LAMA2: variants seen among roughly 807,000 people sequenced by gnomAD.
LAMA2 encodes the protein laminin subunit alpha 2, also known as laminin subunit alpha-2.
A neutral mutation model predicts 364.8 loss-of-function variants in LAMA2; 269 were observed. That is an observed-to-expected ratio of 0.74 (90% CI 0.67 to 0.82). The LOEUF (loss-of-function observed/expected upper bound fraction) is 0.82, where lower values mean the gene tolerates loss of function less well. Ranked by LOEUF, LAMA2 falls within the 40% of genes least tolerant of loss-of-function variation. The probability of loss-of-function intolerance (pLI) is 0.00; values close to 1 mark genes in which losing one functional copy is unlikely to be tolerated. For missense variants in LAMA2, 3,807 were observed against 3,873.2 expected, an observed-to-expected ratio of 0.98 and a Z score of 0.45; for synonymous variants, 1,379 against 1,370.6, an observed-to-expected ratio of 1.01 and a Z score of -0.14.
Position 128,957,836 on chromosome 6 carries a change from A to ATTTT in LAMA2, c.112+74499_112+74502dup, listed in dbSNP as rs10652900. ...CTTCCCAGGCTGTACTACTTCATGC[A>ATTTT]TTTTTTTTTTTTTTTTTTTTTTTGC... On this transcript the variant is annotated intron_variant, in intron 1 of 64. Coordinates refer to ENST00000421865, the MANE Select transcript of LAMA2 (RefSeq NM_000426.4). Among the ~76,000 whole-genome samples the ATTTT allele has an allele frequency of 9.8e-3, 504 of 51,266 alleles. 38 individuals carry two copies. Among genetic ancestry groups the ATTTT allele is most frequent in the African/African-American group, 0.034 (432 of 12,702 alleles). The allele number at this position is 51,266 out of a possible 152,430, so 33.6% of individuals were successfully genotyped here. A position where few individuals can be genotyped will look rare whatever the true frequency, so the allele number is the denominator to read the frequency against.
rs779524640 is a variant in LAMA2, at chr6:129,464,352, G to T, written c.7055G>T (p.Ser2352Ile). 4.3e-6 allele frequency: 7 copies of T among 1,611,806 alleles called. No individual in the cohort carries two copies. In the African/African-American group the frequency reaches 9.4e-5, roughly 22 times the overall value. The change falls in exon 50 of 65, where the codon AGC becomes ATC. Residue 2352 changes from serine (S) to isoleucine (I), a missense_variant. Ser to Ile is a moderately radical substitution (Grantham distance 142). Transcript: ENST00000421865. ...QFDGEGYALV[S>I]RPIRWYPNIS... ...GATGGAGAAGGTTATGCATTGGTCA[G>T]CCGTCCCATTCGCTGGTACCCCAAC... is the stretch of plus-strand genomic sequence containing the variant.
In LAMA2 at chr6:129,165,627, G is replaced by T. The variant is rs1419583983; in HGVS notation, c.1258G>T (p.Gly420Cys). 6.2e-7 allele frequency: 1 copy of T among 1,613,234 alleles called. No homozygotes were observed. Among genetic ancestry groups the T allele is most frequent in the African/African-American group, 1.3e-5 (1 of 74,856 alleles). ...PCQPCHCDPI[G>C]SLNEVCVKDE... ...CCAGCCATGTCATTGCGATCCAATT[G>T]GTTCCTTAAATGAAGTCTGTGTCAA... The change falls in exon 9 of 65, where the codon GGT becomes TGT. Residue 420 changes from glycine (G) to cysteine (C), a missense_variant. By Grantham distance (159) the Gly-to-Cys change is radical. Transcript: ENST00000421865.
intron 1 of LAMA2, among the ~76,000 whole-genome samples, chr6:128,920,761 A>C (rs1310986451): frequency 6.6e-6 from 1 of 151,894 alleles, no homozygotes; most frequent in Non-Finnish European, 1.5e-5. Flanking sequence ...ATGTTGAACA[A>C]ATTCATGAGA....
intron 58 of LAMA2, among the ~76,000 whole-genome samples, chr6:129,501,424 T>C (rs1294489689): frequency 6.6e-6 from 1 of 152,180 alleles, no homozygotes; most frequent in Admixed American, 6.5e-5. Flanking sequence ...TGAAGACCAA[T>C]TTTACGGCAT....
intron 2 of LAMA2, among the ~76,000 whole-genome samples, chr6:129,057,460 G>T (rs2114790619): frequency 6.6e-6 from 1 of 152,212 alleles, no homozygotes; most frequent in East Asian, 1.9e-4. Flanking sequence ...AAATAATAAT[G>T]ATGCTTTATT....
At chr6:129,421,519 T>C (rs1040781429) in intron 40 of LAMA2, among the ~76,000 whole-genome samples, 3 of 152,130 alleles carry the variant, frequency 2.0e-5, no homozygotes, top group Admixed American at 2.0e-4. Flanking sequence ...GTATAAAGTA[T>C]AATTAGCTTA....
At chr6:129,241,332 TG>T (rs1355797149) in intron 12 of LAMA2, among the ~76,000 whole-genome samples, 1 of 152,144 alleles carries the variant, frequency 6.6e-6, no homozygotes, top group Non-Finnish European at 1.5e-5. Flanking sequence ...CCCCAAAACG[TG>T]GGATTTTCAA....
chr6:129,451,322 T>C (rs1412217367), intron 45 of LAMA2, among the ~76,000 whole-genome samples: 3 of 152,154 alleles, frequency 2.0e-5, no homozygotes, highest in Non-Finnish European at 4.4e-5. Context: ...CAGAAGACTG[T>C]CTCCCTAGGA....
At chr6:128,968,520 C>T (rs562595298) in intron 1 of LAMA2, among the ~76,000 whole-genome samples, 31 of 152,220 alleles carry the variant, frequency 2.0e-4, no homozygotes, top group African/African-American at 7.5e-4. Flanking sequence ...TGGAATAGAT[C>T]ATGGGGTGGG....
intron 1 of LAMA2, among the ~76,000 whole-genome samples, chr6:128,919,129 C>T (rs755675807): frequency 4.6e-5 from 7 of 152,126 alleles, no homozygotes; most frequent in Non-Finnish European, 1.0e-4. Context: ...ATACTGTTTC[C>T]TCAATGATGG....
intron 12 of LAMA2, among the ~76,000 whole-genome samples, chr6:129,199,668 T>C (rs1782060890): frequency 6.6e-6 from 1 of 152,172 alleles, no homozygotes; most frequent in Non-Finnish European, 1.5e-5. Context: ...ATCATGTTTC[T>C]TTATATCAAC....
At chr6:129,285,205 T>G (rs1173767002) in intron 18 of LAMA2, among the ~76,000 whole-genome samples, 1 of 152,192 alleles carries the variant, frequency 6.6e-6, no homozygotes, top group Non-Finnish European at 1.5e-5. Context: ...TTTTAATTCC[T>G]AACGGAACAC....
Position 129,270,612 on chromosome 6 carries a change from T to C in LAMA2, c.2323-12T>C. On this transcript the variant is annotated splice_polypyrimidine_tract_variant and intron_variant, in intron 16 of 64. Coordinates refer to ENST00000421865, the MANE Select transcript of LAMA2 (RefSeq NM_000426.4). ...CCAAAATAATAAACTCTGATGCTCA[T>C]TTCTTTCTCAGAACTGTAAGGATCA... The C allele has an allele frequency of 6.2e-7, 1 of 1,612,774 alleles. No individual in the cohort carries two copies. The highest frequency in any genetic ancestry group is 8.5e-7 in the Non-Finnish European group (1 of 1,179,110).
At chr6:129,171,662 C>T (rs1583182331) in intron 9 of LAMA2, among the ~76,000 whole-genome samples, 1 of 142,618 alleles carries the variant, frequency 7.0e-6, no homozygotes, top group Non-Finnish European at 1.5e-5. Context: ...CTTGGAGTTG[C>T]TCTTCTCGAG....
At position 129,369,945 on chromosome 6, in the gene LAMA2, C is replaced by A. The variant is rs764065508; in HGVS notation, c.4914C>A (p.Gly1638=). 33 of 1,613,934 alleles carry A rather than the reference C, an allele frequency of 2.0e-5. No individual in the cohort carries two copies. Among genetic ancestry groups the A allele is most frequent in the Non-Finnish European group, 2.8e-5 (33 of 1,179,984 alleles). ...APERLIQLAE[G]NLNTLVTEMN... ...AGAGGCTTATTCAGCTGGCAGAGGG[C>A]AATCTGAATACACTCGTGACCGAAA... The change falls in exon 34 of 65, where the codon GGC becomes GGA. Residue 1638 remains glycine (G), a synonymous_variant. Transcript: ENST00000421865.
At chr6:129,448,990 A>G (rs1335606630) in intron 45 of LAMA2, among the ~76,000 whole-genome samples, 1 of 152,218 alleles carries the variant, frequency 6.6e-6, no homozygotes, top group African/African-American at 2.4e-5. Flanking sequence ...GAGATACAGT[A>G]TTTTGATTTA....
chr6:129,222,647 C>A (rs989452944), intron 12 of LAMA2, among the ~76,000 whole-genome samples: 1 of 152,038 alleles, frequency 6.6e-6, no homozygotes, highest in Admixed American at 6.6e-5. Context: ...CTAGCTTCAT[C>A]CATGTCCCTA....
rs779996812 is a variant in LAMA2, at chr6:129,059,785, G to C, written c.285G>C (p.Gln95His). ...CATATGATGCTGCTAACTCAATAGA[G>C]AGACACCCGATTACAAATGCTATTG... Reference protein sequence around the residue: ...ICNQNSSNPNQRHPITNAIDG... With the variant: ...ICNQNSSNPNHRHPITNAIDG... Residue 95 changes from glutamine (Q) to histidine (H), a missense_variant and splice_region_variant, in exon 3 of 65, where the codon CAG (glutamine) becomes CAC (histidine). This residue lies in a region of LAMA2 where 394 missense variants were observed against 403.5 expected (regional missense o/e 0.98). Transcript: ENST00000421865. 2.5e-6 allele frequency: 4 copies of C among 1,579,334 alleles called. No individual in the cohort carries two copies. The highest frequency in any genetic ancestry group is 3.5e-6 in the Non-Finnish European group (4 of 1,148,534).
At chr6:129,132,511 G>C (rs1272169167) in intron 4 of LAMA2, among the ~76,000 whole-genome samples, 2 of 152,162 alleles carry the variant, frequency 1.3e-5, no homozygotes, top group Non-Finnish European at 2.9e-5. Flanking sequence ...ATATGGATAA[G>C]AATGCAAACC....
Sources: allele counts gnomAD v4.1 joint callset (sites outside exome capture counted in the v4.1 genomes callset), GRCh38; gene constraint gnomAD v4.1.1; regional missense constraint gnomAD v4.1.1; transcripts MANE v1.5; gene names NCBI Gene and HGNC (gene_info 2026-07-23, HGNC 2026-07-21).